Variants in C8orf34 observed in about 807,000 individuals in gnomAD.
C8orf34 encodes uncharacterized protein C8orf34.
A neutral mutation model predicts 68.3 loss-of-function variants in C8orf34; 65 were observed. That is an observed-to-expected ratio of 0.95 (90% CI 0.78 to 1.17). C8orf34 has a LOEUF of 1.17. C8orf34 is among the 50% of genes most tolerant of loss of function. The probability of loss-of-function intolerance (pLI) is 0.00; values close to 1 mark genes in which losing one functional copy is unlikely to be tolerated. For missense variants in C8orf34, 664 were observed against 655.4 expected (o/e 1.01, Z -0.14); for synonymous variants, 244 against 241.2 (o/e 1.01, Z -0.11).
chr8:68,736,813 A>G (rs933227742), intron 10 of C8orf34, among the ~76,000 whole-genome samples: 1 of 152,088 alleles, frequency 6.6e-6, no homozygotes, highest in Non-Finnish European at 1.5e-5. Context: ...GTATACTTCA[A>G]ACGTCACATT....
rs540409743 is a variant in C8orf34, at chr8:68,473,709, T to C, written c.736+4889T>C. The stretch of plus-strand genomic sequence containing the variant: ...ATTTCTTTTTAACTCATATGTCAGT[T>C]AGTGCTCACTGTCTCTACTTGCTCA... On this transcript the variant is annotated intron_variant, in intron 4 of 13. Transcript: ENST00000518698. Among the ~76,000 whole-genome samples, 10 of 152,276 alleles carry C rather than the reference T, an allele frequency of 6.6e-5. No individual in the cohort carries two copies. In the South Asian group the frequency reaches 2.1e-3, roughly 32 times the overall value.
chr8:68,414,418 C>A (rs72664937), intron 1 of C8orf34, among the ~76,000 whole-genome samples: 2 of 152,134 alleles, frequency 1.3e-5, no homozygotes, highest in South Asian at 4.2e-4. Context: ...TATTATCATA[C>A]GAAATGAAAC....
chr8:68,555,047 T>C (rs1816209473), intron 7 of C8orf34, among the ~76,000 whole-genome samples: 1 of 152,144 alleles, frequency 6.6e-6, no homozygotes, highest in Non-Finnish European at 1.5e-5. Context: ...TTTAATACTT[T>C]TTTATGTTTT....
At position 68,523,612 on chromosome 8, in the gene C8orf34, A is replaced by G. The variant is rs140103347; in HGVS notation, c.938+1641A>G. On this transcript the variant is annotated intron_variant, in intron 6 of 13. Transcript: ENST00000518698. ...CAGGTGCCCCCATTAGAGTAGAAAG[A>G]ATACATGCATATCTGAATTAAATTT... is the stretch of plus-strand genomic sequence containing the variant. Among the ~76,000 whole-genome samples the G allele has an allele frequency of 7.2e-4, 109 of 152,338 alleles. 1 individual carries two copies. Among genetic ancestry groups the G allele is most frequent in the African/African-American group, 2.5e-3 (102 of 41,582 alleles).
intron 2 of C8orf34, among the ~76,000 whole-genome samples, chr8:68,440,946 A>G (rs1353381940): frequency 6.6e-6 from 1 of 151,996 alleles, no homozygotes; most frequent in African/African-American, 2.4e-5. Context: ...CTGGAACTAC[A>G]GGCACCCGCC....
intron 7 of C8orf34, among the ~76,000 whole-genome samples, chr8:68,569,303 T>C (rs560205741): frequency 6.6e-6 from 1 of 152,370 alleles, no homozygotes; most frequent in East Asian, 1.9e-4. Flanking sequence ...TTAAATAGTT[T>C]GAGTGAGGCT....
chr8:68,404,533 T>C (rs1425635616), intron 1 of C8orf34, among the ~76,000 whole-genome samples: 1 of 152,216 alleles, frequency 6.6e-6, no homozygotes, highest in African/African-American at 2.4e-5. Flanking sequence ...CTTTAATCCA[T>C]CTTGAGTTAA....
rs1370453594 is a variant in C8orf34, at chr8:68,439,538, C to T, written c.367C>T (p.Pro123Ser). 2 of 1,613,722 alleles carry T rather than the reference C, an allele frequency of 1.2e-6. No individual in the cohort carries two copies. The highest frequency in any genetic ancestry group is 2.2e-5 in the South Asian group (2 of 91,058). Residue 123 changes from proline (P) to serine (S), a missense_variant, in exon 2 of 14, where the codon CCA (proline) becomes TCA (serine). Pro to Ser is a moderately conservative substitution (Grantham distance 74). Coordinates refer to ENST00000518698, the MANE Select transcript of C8orf34 (RefSeq NM_052958.4). ...GTTAATAACTGAGACACCTGACCAG[C>T]CAATCCCATTTCTCATTGACCATCT... The part of the protein sequence containing the change: ...TKLITETPDQ[P>S]IPFLIDHLQS...
chr8:68,670,140 A>G (rs1003747003), intron 8 of C8orf34, among the ~76,000 whole-genome samples: 1 of 152,158 alleles, frequency 6.6e-6, no homozygotes, highest in Non-Finnish European at 1.5e-5. Flanking sequence ...GTGACTTGGC[A>G]CTGTTTGGGC....
At chr8:68,537,886 A>G (rs1815544323) in intron 7 of C8orf34, among the ~76,000 whole-genome samples, 1 of 152,108 alleles carries the variant, frequency 6.6e-6, no homozygotes, top group African/African-American at 2.4e-5. Flanking sequence ...CAAAATATAT[A>G]CATCATCCTA....
intron 5 of C8orf34, among the ~76,000 whole-genome samples, chr8:68,512,241 AT>A (rs1814307606): frequency 6.6e-6 from 1 of 152,258 alleles, no homozygotes; most frequent in Admixed American, 6.5e-5. Flanking sequence ...TTGATAGCAT[AT>A]ACTTAGACAA....
At position 68,611,653 on chromosome 8, in the gene C8orf34, G is replaced by T. The variant is rs553566644; in HGVS notation, c.1106-28723G>T. ...CTCAAGTTTTATAAGCTTTTATTTT[G>T]TAGTGATATGAACTTATGTCAGTAT... is the stretch of plus-strand genomic sequence containing the variant. On this transcript the variant is annotated intron_variant, in intron 7 of 13. Coordinates refer to ENST00000518698, the MANE Select transcript of C8orf34 (RefSeq NM_052958.4). 5.9e-5 allele frequency among the ~76,000 whole-genome samples: 9 copies of T among 152,208 alleles called. No homozygotes were observed. In the South Asian group the frequency reaches 1.9e-3, roughly 32 times the overall value.
At chr8:68,682,916 A>G (rs1012217969) in intron 8 of C8orf34, among the ~76,000 whole-genome samples, 1 of 152,096 alleles carries the variant, frequency 6.6e-6, no homozygotes, top group Non-Finnish European at 1.5e-5. Flanking sequence ...AGGAGGAAAA[A>G]AATGTTTCGC....
intron 5 of C8orf34, among the ~76,000 whole-genome samples, chr8:68,497,283 T>G (rs2129632282): frequency 6.6e-6 from 1 of 152,318 alleles, no homozygotes; most frequent in Non-Finnish European, 1.5e-5. Context: ...GATGCTCAGC[T>G]TTGCTCAAAA....
chr8:68,496,266 G>A lies in C8orf34; in HGVS notation c.765+8215G>A, dbSNP rs556031192. ...ATTTATCAAGCACGTAGTGTGACAG[G>A]CAGTGTGCTAAGTGCTTTGAGGACA... On this transcript the variant is annotated intron_variant, in intron 5 of 13. Coordinates refer to ENST00000518698, the MANE Select transcript of C8orf34 (RefSeq NM_052958.4). Among the ~76,000 whole-genome samples, 4 of 152,230 alleles carry A rather than the reference G, an allele frequency of 2.6e-5. No individual in the cohort carries two copies. The South Asian group carries it at 8.3e-4, about 32-fold the overall frequency.
At chr8:68,740,536 G>A (rs953831842) in intron 10 of C8orf34, among the ~76,000 whole-genome samples, 6 of 152,074 alleles carry the variant, frequency 3.9e-5, no homozygotes, top group African/African-American at 1.4e-4. Flanking sequence ...ATCACAATGA[G>A]ATACCATCTC....
At chr8:68,409,180 G>A (rs1015903176) in intron 1 of C8orf34, among the ~76,000 whole-genome samples, 1 of 152,270 alleles carries the variant, frequency 6.6e-6, no homozygotes, top group East Asian at 1.9e-4. Flanking sequence ...ACTAGTTTAT[G>A]TATTTTCTAT....
At chr8:68,340,475 A>G (rs1239927331) in intron 1 of C8orf34, among the ~76,000 whole-genome samples, 1 of 152,168 alleles carries the variant, frequency 6.6e-6, no homozygotes, top group Non-Finnish European at 1.5e-5. Context: ...GAGAAATCTC[A>G]ATTCAAAAAC....
intron 10 of C8orf34, among the ~76,000 whole-genome samples, chr8:68,726,203 T>C (rs1472456285): frequency 6.6e-6 from 1 of 152,168 alleles, no homozygotes; most frequent in East Asian, 1.9e-4. Flanking sequence ...CCACCATGCC[T>C]GGTCACCAAT....
Sources: allele counts gnomAD v4.1 joint callset (sites outside exome capture counted in the v4.1 genomes callset), GRCh38; gene constraint gnomAD v4.1.1; transcripts MANE v1.5; gene names NCBI Gene and HGNC (gene_info 2026-07-23, HGNC 2026-07-21).